Variants in ALDH1A2 observed in about 807,000 individuals in gnomAD.
ALDH1A2 encodes the protein aldehyde dehydrogenase 1 family member A2, also known as retinal dehydrogenase 2.
Under a neutral mutation model 60.3 loss-of-function variants are expected in ALDH1A2, and 27 were observed. The observed-to-expected ratio is 0.45, with a 90% CI of 0.33 to 0.62. The LOEUF (loss-of-function observed/expected upper bound fraction) is 0.62, where lower values mean the gene tolerates loss of function less well. ALDH1A2 is among the 20% of genes least tolerant of loss of function. ALDH1A2 has a pLI of 0.02. For missense variants in ALDH1A2, 581 were observed against 643.8 expected (o/e 0.90, Z 1.06); for synonymous variants, 289 against 232.4 (o/e 1.24, Z -2.21).
intron 12 of ALDH1A2, among the ~76,000 whole-genome samples, chr15:57,957,720 TGTCA>T (rs1263982548): frequency 1.3e-5 from 2 of 152,222 alleles, no homozygotes; most frequent in Non-Finnish European, 2.9e-5. Context: ...TAAGGTAACC[TGTCA>T]GTCAGTATTG....
At chr15:58,020,969 C>G (rs930779467) in intron 1 of ALDH1A2, among the ~76,000 whole-genome samples, 7 of 152,042 alleles carry the variant, frequency 4.6e-5, no homozygotes, top group African/African-American at 1.4e-4. Context: ...TCTGGTAAAC[C>G]ATTTATCAAT....
Position 57,965,709 on chromosome 15 carries a change from C to T in ALDH1A2, c.901+16G>A. The T allele has an allele frequency of 1.3e-6, 2 of 1,577,534 alleles. No homozygotes were observed. The highest frequency in any genetic ancestry group is 1.1e-5 in the South Asian group (1 of 90,304). Reference sequence around the variant, plus strand: ...GGTGTGTGGTGGTTCATGTATGGGACCTGTAGTTGACTTACAGTCAGCATC... The same window carrying T: ...GGTGTGTGGTGGTTCATGTATGGGATCTGTAGTTGACTTACAGTCAGCATC... On this transcript the variant is annotated intron_variant, in intron 8 of 12. Transcript: ENST00000249750.
intron 1 of ALDH1A2, among the ~76,000 whole-genome samples, chr15:58,033,597 T>C (rs1896299788): frequency 6.6e-6 from 1 of 151,840 alleles, no homozygotes; most frequent in Non-Finnish European, 1.5e-5. Flanking sequence ...TAAATTATTT[T>C]ATACCAAAAA....
chr15:57,974,086 ATG>A (rs757532118), intron 7 of ALDH1A2, among the ~76,000 whole-genome samples: 19 of 152,196 alleles, frequency 1.2e-4, no homozygotes, highest in Non-Finnish European at 2.5e-4. Flanking sequence ...AGTCAAAATA[ATG>A]TGATACTTGC....
chr15:57,969,915 C>T (rs969656482), intron 7 of ALDH1A2, among the ~76,000 whole-genome samples: 1 of 152,182 alleles, frequency 6.6e-6, no homozygotes, highest in Admixed American at 6.5e-5. Context: ...GTCAGAAGAC[C>T]TGGTACTACA....
intron 1 of ALDH1A2, among the ~76,000 whole-genome samples, chr15:58,027,087 G>T (rs1340386029): frequency 1.3e-5 from 2 of 152,176 alleles, no homozygotes; most frequent in Admixed American, 6.5e-5. Flanking sequence ...GTGGGTCCCT[G>T]ACACCCACTG....
chr15:57,994,227 C>G (rs1894981540), intron 5 of ALDH1A2, among the ~76,000 whole-genome samples: 2 of 152,174 alleles, frequency 1.3e-5, no homozygotes, highest in Non-Finnish European at 2.9e-5. Context: ...TTAAATCAAA[C>G]CTCTCATTTT....
intron 5 of ALDH1A2, among the ~76,000 whole-genome samples, chr15:57,994,259 T>G (rs1429232650): frequency 6.6e-6 from 1 of 152,208 alleles, no homozygotes; most frequent in African/African-American, 2.4e-5. Context: ...CTCTAATAAA[T>G]TTCACAGTAA....
intron 1 of ALDH1A2, among the ~76,000 whole-genome samples, chr15:58,024,611 G>C (rs1317988611): frequency 6.6e-6 from 1 of 152,024 alleles, no homozygotes; most frequent in Middle Eastern, 3.2e-3. Flanking sequence ...ACAATAGTGG[G>C]GGACTTCAAC....
intron 1 of ALDH1A2, among the ~76,000 whole-genome samples, chr15:58,015,911 C>T (rs184033636): frequency 4.5e-4 from 68 of 152,278 alleles, no homozygotes; most frequent in African/African-American, 1.5e-3. Context: ...AATAAATTTG[C>T]TCACAGCTGA....
intron 1 of ALDH1A2, among the ~76,000 whole-genome samples, chr15:58,061,361 T>G (rs546904280): frequency 6.6e-6 from 1 of 151,568 alleles, no homozygotes; most frequent in African/African-American, 2.4e-5. Flanking sequence ...AAGTAAAGGT[T>G]TGGAAGGATC....
chr15:57,979,984 A>G, intron 7 of ALDH1A2: 1 of 343,610 alleles, frequency 2.9e-6, no homozygotes, highest in Non-Finnish European at 6.1e-6. Flanking sequence ...AGGAGCTGTC[A>G]TGCTCACCTG....
At chr15:58,008,111 A>T (rs985999171) in intron 4 of ALDH1A2, among the ~76,000 whole-genome samples, 1 of 151,992 alleles carries the variant, frequency 6.6e-6, no homozygotes, top group African/African-American at 2.4e-5. Context: ...TCCTTCCCTC[A>T]TCTGTTTGAG....
chr15:58,058,162 A>G, intron 1 of ALDH1A2: 1 of 1,218,672 alleles, frequency 8.2e-7, no homozygotes, highest in Admixed American at 2.0e-5. Context: ...GGCATTTCAT[A>G]ATTTCACCTT....
chr15:58,062,099 C>T (rs1379445271), intron 1 of ALDH1A2, among the ~76,000 whole-genome samples: 1 of 152,104 alleles, frequency 6.6e-6, no homozygotes, highest in African/African-American at 2.4e-5. Context: ...TCACGATGCA[C>T]ATTAGCTCTG....
At chr15:57,966,368 G>A (rs1205429324) in intron 7 of ALDH1A2, among the ~76,000 whole-genome samples, 3 of 152,182 alleles carry the variant, frequency 2.0e-5, no homozygotes, top group African/African-American at 7.2e-5. Flanking sequence ...CTCTTTTTGT[G>A]CAATCTTGTA....
intron 1 of ALDH1A2, among the ~76,000 whole-genome samples, chr15:58,024,827 A>G (rs768471331): frequency 6.6e-6 from 1 of 152,244 alleles, no homozygotes; most frequent in African/African-American, 2.4e-5. Flanking sequence ...TTAAAAAATC[A>G]TATCAAGTAT....
At chr15:58,017,493 G>A (rs150862994) in intron 1 of ALDH1A2, among the ~76,000 whole-genome samples, 4 of 152,250 alleles carry the variant, frequency 2.6e-5, no homozygotes, top group Non-Finnish European at 5.9e-5. Context: ...ACAAAATCAT[G>A]AACCCTCAAA....
rs139464985 is a variant in ALDH1A2, at chr15:57,964,063, T to G, written c.908A>C (p.Tyr303Ser). ...ACCCTGGTGGGCCTGCTCCACAGCA[T>G]AGTCCACTACAAGAGGAAACAGCCA... ...NIIFADADLDYAVEQAHQGVF... is the reference protein window; with the variant it reads ...NIIFADADLDSAVEQAHQGVF... The change falls in exon 9 of 13, where the codon TAT becomes TCT. Residue 303 changes from tyrosine (Y) to serine (S), a missense_variant. Around this residue, in one of 2 missense-constraint regions of ALDH1A2, gnomAD observed 375 missense variants for 469.7 expected, o/e 0.80. Transcript: ENST00000249750. The G allele has an allele frequency of 3.5e-4, 557 of 1,613,914 alleles. 2 individuals carry two copies. Among genetic ancestry groups the G allele is most frequent in the Non-Finnish European group, 3.3e-4 (395 of 1,179,992 alleles).
Sources: gnomAD v4.1 joint callset for allele counts (sites outside exome capture counted in the v4.1 genomes callset) on GRCh38, gnomAD v4.1.1 for gene constraint, gnomAD v4.1.1 regional missense constraint, MANE v1.5 for transcripts, NCBI Gene and HGNC (gene_info 2026-07-23, HGNC 2026-07-21) for gene names.